ABCC3: variants seen among roughly 807,000 people sequenced by gnomAD.
ABCC3 encodes the protein ATP-binding cassette sub-family C member 3.
A neutral mutation model predicts 165.3 loss-of-function variants in ABCC3; 121 were observed. The observed-to-expected ratio is 0.73, with a 90% CI of 0.63 to 0.85. The LOEUF (loss-of-function observed/expected upper bound fraction) is 0.85. ABCC3 is among the 40% of genes least tolerant of loss of function. ABCC3 has a pLI of 0.00. For synonymous variants in ABCC3, 733 were observed against 810.1 expected, an observed-to-expected ratio of 0.90 and a Z score of 1.62; for missense variants, 1,869 against 1,964.1, an observed-to-expected ratio of 0.95 and a Z score of 0.92.
At chr17:50,686,188 C>G (rs1379279106) in intron 29 of ABCC3, among the ~76,000 whole-genome samples, 1 of 152,152 alleles carries the variant, frequency 6.6e-6, no homozygotes, top group Non-Finnish European at 1.5e-5. Context: ...AGCGAGACTT[C>G]GTCTCAAGAA....
chr17:50,681,635 G>A (rs1967930902), intron 26 of ABCC3, among the ~76,000 whole-genome samples: 1 of 152,086 alleles, frequency 6.6e-6, no homozygotes, highest in African/African-American at 2.4e-5. Context: ...TCTACAAGCT[G>A]CATCCGCTTC....
At chr17:50,645,520 A>G (rs1305268263) in intron 1 of ABCC3, among the ~76,000 whole-genome samples, 2 of 152,196 alleles carry the variant, frequency 1.3e-5, no homozygotes, top group East Asian at 3.8e-4. Flanking sequence ...CCTTCTAGGC[A>G]GTAGGGAGCT....
chr17:50,639,109 A>G (rs1310900467), intron 1 of ABCC3, among the ~76,000 whole-genome samples: 2 of 152,208 alleles, frequency 1.3e-5, no homozygotes, highest in Admixed American at 6.5e-5. Flanking sequence ...TCCATGGGGA[A>G]GCTGAGTGGG....
intron 15 of ABCC3, 94 bp downstream of exon 15, chr17:50,669,013 C>A: frequency 6.3e-7 from 1 of 1,594,876 alleles, no homozygotes; most frequent in Non-Finnish European, 8.6e-7. Flanking sequence ...ACCAAGAATG[C>A]AGGAAGAGCT....
At chr17:50,637,109 A>C (rs994248598) in intron 1 of ABCC3, among the ~76,000 whole-genome samples, 1 of 152,100 alleles carries the variant, frequency 6.6e-6, no homozygotes, top group Non-Finnish European at 1.5e-5. Flanking sequence ...GCTCATCTAC[A>C]TTATGAAGCC....
intron 8 of ABCC3, among the ~76,000 whole-genome samples, chr17:50,662,709 C>T (rs1314929326): frequency 6.6e-6 from 1 of 151,142 alleles, no homozygotes; most frequent in Non-Finnish European, 1.5e-5. Flanking sequence ...GCCCACCCTA[C>T]TCCAATATGA....
In ABCC3 at chr17:50,658,375, T is replaced by C. The variant is rs569601229; in HGVS notation, c.613-60T>C. ...ACAAGGGTCCCCTCCATTTCCCTAC[T>C]CTGCTTTGAGAGGGTGGTGGGCACT... On this transcript the variant is annotated intron_variant, in intron 5 of 30. Coordinates refer to ENST00000285238, the MANE Select transcript of ABCC3 (RefSeq NM_003786.4). 10 of 1,589,024 alleles carry C rather than the reference T, an allele frequency of 6.3e-6. No individual in the cohort carries two copies. The African/African-American group carries it at 1.3e-4, about 21-fold the overall frequency.
chr17:50,688,110 A>T (rs1968056992), intron 30 of ABCC3, among the ~76,000 whole-genome samples: 1 of 151,930 alleles, frequency 6.6e-6, no homozygotes, highest in Non-Finnish European at 1.5e-5. Context: ...CGGTTTCACC[A>T]TGTTGGCCAG....
chr17:50,687,603 G>A lies in ABCC3; in HGVS notation c.4348G>A (p.Asp1450Asn). ...CCGCAAGAGCCGCATCCTGGTTTTA[G>A]ACGAGGCCACAGCTGCCATCGACCT... ...LLRKSRILVLDEATAAIDLET... is the reference protein window; with the variant it reads ...LLRKSRILVLNEATAAIDLET... Residue 1450 changes from aspartate (D) to asparagine (N), a missense_variant, in exon 30 of 31, where the codon GAC becomes AAC. Transcript: ENST00000285238. 1 of 1,614,230 alleles carries A rather than the reference G, an allele frequency of 6.2e-7. No homozygotes were observed. Among genetic ancestry groups the A allele is most frequent in the South Asian group, 1.1e-5 (1 of 91,084 alleles).
intron 1 of ABCC3, among the ~76,000 whole-genome samples, chr17:50,645,359 G>A (rs1280388316): frequency 3.7e-5 from 4 of 108,952 alleles, no homozygotes; most frequent in East Asian, 3.0e-4. Context: ...GGGCGACAGA[G>A]CAAGATTCCA....
chr17:50,669,653 A>G, intron 17 of ABCC3, 125 bp downstream of exon 17: 1 of 994,394 alleles, frequency 1.0e-6, no homozygotes. Context: ...ACTCTGTGCC[A>G]GGCACTGGGG....
chr17:50,673,737 C>T, intron 19 of ABCC3, 79 bp downstream of exon 19: 1 of 1,469,082 alleles, frequency 6.8e-7, no homozygotes, highest in Non-Finnish European at 9.4e-7. Context: ...TGTGTCTAGA[C>T]TGGCCTAGTG....
chr17:50,684,515 G>A (rs1264873091), intron 28 of ABCC3, among the ~76,000 whole-genome samples, 194 bp from the exon 29 acceptor site: 1 of 152,140 alleles, frequency 6.6e-6, no homozygotes, highest in Non-Finnish European at 1.5e-5. Flanking sequence ...AGAGGTCTTC[G>A]TGATTGGCAA....
chr17:50,676,666 G>T, intron 23 of ABCC3, 78 bp downstream of exon 23: 1 of 1,217,016 alleles, frequency 8.2e-7, no homozygotes, highest in East Asian at 2.5e-5. Context: ...CAGCAGGGGT[G>T]GGACACTTCA....
chr17:50,687,324 C>CT, intron 29 of ABCC3: 1 of 553,968 alleles, frequency 1.8e-6, no homozygotes, highest in Non-Finnish European at 3.2e-6. Flanking sequence ...TTCACAATGC[C>CT]TTTTAGCACT....
intron 19 of ABCC3, among the ~76,000 whole-genome samples, chr17:50,673,980 C>CCTTCCTTCCTTCCTTCCT (rs1967725508): frequency 3.0e-3 from 28 of 9,384 alleles, no homozygotes; most frequent in African/African-American, 7.6e-3. Flanking sequence ...TTCTTTCTTT[C>CCTTCCTTCCTTCCTTCCT]TCTCTCTCTC....
chr17:50,676,612 T>G, intron 23 of ABCC3, 24 bp downstream of exon 23: 1 of 1,420,616 alleles, frequency 7.0e-7, no homozygotes, highest in South Asian at 1.2e-5. Flanking sequence ...GTGATTCCAG[T>G]GTGGGCGTGG....
chr17:50,651,506 T>G (rs369059619), intron 1 of ABCC3, among the ~76,000 whole-genome samples: 1 of 152,178 alleles, frequency 6.6e-6, no homozygotes, highest in Non-Finnish European at 1.5e-5. Flanking sequence ...GTGGAACACT[T>G]GACCTCAGGA....
At chr17:50,656,276 G>A (rs4148410) in intron 2 of ABCC3, among the ~76,000 whole-genome samples, 5,188 of 152,212 alleles carry the variant, frequency 0.034, 164 homozygotes, top group East Asian at 0.14. Flanking sequence ...AGTAGAGATG[G>A]GGTTTTGCCA....
Sources: gnomAD v4.1 joint callset for allele counts (sites outside exome capture counted in the v4.1 genomes callset) on GRCh38, gnomAD v4.1.1 for gene constraint, MANE v1.5 for transcripts, NCBI Gene and HGNC (gene_info 2026-07-23, HGNC 2026-07-21) for gene names.